SET: variants seen among roughly 807,000 people sequenced by gnomAD.
SET encodes the protein protein SET.
SET carries 4 observed loss-of-function variants against 39.0 expected under a neutral mutation model. The observed-to-expected ratio is 0.10, with a 90% CI of 0.05 to 0.23. The LOEUF is 0.23. SET is among the 10% of genes least tolerant of loss of function. The pLI is 1.00. For synonymous variants in SET, 114 were observed against 115.9 expected (o/e 0.98, Z 0.11); for missense variants, 137 against 329.7 (o/e 0.42, Z 4.53).
intron 5 of SET, among the ~76,000 whole-genome samples, chr9:128,693,435 A>G (rs2132254783): frequency 6.6e-6 from 1 of 152,332 alleles, no homozygotes; most frequent in South Asian, 2.1e-4. Context: ...CAGTGGAACT[A>G]ATTTTATGGA....
chr9:128,693,028 C>A, intron 5 of SET, 47 bp downstream of exon 5: 1 of 1,315,280 alleles, frequency 7.6e-7, no homozygotes, highest in Non-Finnish European at 1.1e-6. Context: ...TTGCCTATTT[C>A]AGTTTAGTTT....
chr9:128,694,078 T>A, intron 7 of SET, 36 bp downstream of exon 7: 1 of 1,454,132 alleles, frequency 6.9e-7, no homozygotes, highest in Non-Finnish European at 9.2e-7. Context: ...CAAAGATAAC[T>A]TTTAAAGAAT....
At chr9:128,693,499 C>T (rs550810304) in intron 5 of SET, 139 bp from the exon 6 acceptor site, 1 of 914,634 alleles carries the variant, frequency 1.1e-6, no homozygotes, top group Non-Finnish European at 1.6e-6. Flanking sequence ...TATAATTGCT[C>T]TTAGGTAATA....
intron 1 of SET, chr9:128,690,215 T>C (rs1861472869): frequency 6.5e-6 from 1 of 153,342 alleles, no homozygotes; most frequent in Admixed American, 6.5e-5. Context: ...GCCGGGAGGA[T>C]GCTCTGGCCA....
At position 128,689,672 on chromosome 9, in the gene SET, C is replaced by T. The variant is rs778596068; in HGVS notation, c.73+17C>T. ...AGACCTCAGGTGAGAGCAGCGAGCCCGGGGGCCGGCCCGCGCCGCCATCTT... is the reference window on the plus strand; with the variant it reads ...AGACCTCAGGTGAGAGCAGCGAGCCTGGGGGCCGGCCCGCGCCGCCATCTT... On this transcript the variant is annotated intron_variant, in intron 1 of 7. Coordinates refer to ENST00000322030, the MANE Select transcript of SET (RefSeq NM_003011.4). 87 of 971,788 alleles carry T rather than the reference C, an allele frequency of 9.0e-5. 1 individual carries two copies. The highest frequency in any genetic ancestry group is 1.0e-4 in the Non-Finnish European group (78 of 754,876). 60.2% of individuals were successfully genotyped at this position (971,788 alleles called of 1,614,324 possible).
chr9:128,690,090 GCGGCGCCCC>G (rs931043653), intron 1 of SET: 16 of 522,652 alleles, frequency 3.1e-5, no homozygotes, highest in African/African-American at 2.7e-4. Flanking sequence ...CCGGCCCGCG[GCGGCGCCCC>G]CGGCACCCCC....
rs1861404978 is a variant in SET at position 128,689,280 on chromosome 9, G to T, written c.-303G>T. On this transcript the variant is annotated 5_prime_UTR_variant, in exon 1 of 8. Coordinates refer to ENST00000322030, the MANE Select transcript of SET (RefSeq NM_003011.4). ...GCTCGGGAGAGCGAGCAGCGAGCTG[G>T]CTGGATCGCCGAGCGCGAGTGAGGG... The T allele has an allele frequency of 9.9e-7, 1 of 1,013,632 alleles. No homozygotes were observed. Among genetic ancestry groups the T allele is most frequent in the Non-Finnish European group, 1.2e-6 (1 of 847,694 alleles). The allele number at this position is 1,013,632 out of a possible 1,614,324, so 62.8% of individuals were successfully genotyped here. A position where few individuals can be genotyped will look rare whatever the true frequency, so the allele number is the denominator to read the frequency against.
At chr9:128,694,568 G>A (rs1861662080) in intron 7 of SET, 73 bp from the exon 8 acceptor site, 3 of 989,658 alleles carry the variant, frequency 3.0e-6, no homozygotes, top group South Asian at 1.5e-5. Flanking sequence ...GCACTCGTGG[G>A]GTCCATTGTG....
At position 128,684,132 on chromosome 9, in the gene SET, G is replaced by A; in HGVS notation, c.112+125G>A. 5.5e-6 allele frequency: 4 copies of A among 722,320 alleles called. 1 individual carries two copies. In the South Asian group the frequency reaches 7.4e-5, roughly 13 times the overall value. The allele number at this position is 722,320 out of a possible 1,614,324, so 44.7% of individuals were successfully genotyped here. Reference sequence around the variant, plus strand: ...GCACCCCCAAAGGGTTTTAAACCTGGGATGGTGGATTAAGTTTGCGTGAAG... The same window carrying A: ...GCACCCCCAAAGGGTTTTAAACCTGAGATGGTGGATTAAGTTTGCGTGAAG... On this transcript the variant is annotated intron_variant, in intron 1 of 7. Coordinates refer to the SET transcript ENST00000372692.
upstream of SET, among the ~76,000 whole-genome samples, chr9:128,685,740 G>C (rs939715465): frequency 6.6e-6 from 1 of 152,150 alleles, no homozygotes; most frequent in Non-Finnish European, 1.5e-5. Flanking sequence ...CCTCTTCAAA[G>C]GGAGCCGGGG....
intron 1 of SET, chr9:128,690,928 C>T (rs1052123142): frequency 5.4e-6 from 3 of 557,806 alleles, no homozygotes; most frequent in Non-Finnish European, 9.6e-6. Flanking sequence ...TAGTGAAACT[C>T]TTTAAAAAGG....
chr9:128,689,576 C>A lies in SET; in HGVS notation c.-7C>A. ...CCCCGCTCCCCCCCCGACCGCGGAG[C>A]AGCACCATGTCGGCGCCGGCGGCCA... On this transcript the variant is annotated 5_prime_UTR_variant, in exon 1 of 8. Transcript: ENST00000322030. 1 of 1,358,214 alleles carries A rather than the reference C, an allele frequency of 7.4e-7. No individual in the cohort carries two copies. Among genetic ancestry groups the A allele is most frequent in the Non-Finnish European group, 9.7e-7 (1 of 1,035,468 alleles). 84.1% of individuals were successfully genotyped at this position (1,358,214 alleles called of 1,614,324 possible).
At chr9:128,689,746 C>CT (rs1288092391) in intron 1 of SET, 91 bp downstream of exon 1, 1 of 170,106 alleles carries the variant, frequency 5.9e-6, no homozygotes, top group Non-Finnish European at 1.1e-5. Flanking sequence ...GGGGCGCGCG[C>CT]GGGGGGCGCC....
upstream of SET, among the ~76,000 whole-genome samples, chr9:128,686,410 G>A (rs1861286948): frequency 6.6e-6 from 1 of 152,166 alleles, no homozygotes; most frequent in Non-Finnish European, 1.5e-5. Flanking sequence ...CCCTGCAGGT[G>A]CTTGGGAAAC....
At chr9:128,690,441 T>TTTG (rs1861486939) in intron 1 of SET, 1 of 152,060 alleles carries the variant, frequency 6.6e-6, no homozygotes. Context: ...TTGTAGGGGG[T>TTTG]TTGTAGTCTT....
rs1370534314 is a variant in SET, at chr9:128,689,499, G to T, written c.-84G>T. ...GACCGAGCGGGCGCCCGCGCGTGTG[G>T]CGTGAGGGGAAGCCGCTTGCCCGCC... On this transcript the variant is annotated 5_prime_UTR_variant, in exon 1 of 8. Transcript: ENST00000322030. 6 of 692,540 alleles carry T rather than the reference G, an allele frequency of 8.7e-6. No individual in the cohort carries two copies. Among genetic ancestry groups the T allele is most frequent in the Non-Finnish European group, 1.0e-5 (5 of 496,092 alleles). 42.9% of individuals were successfully genotyped at this position (692,540 alleles called of 1,614,324 possible). A position where few individuals can be genotyped will look rare whatever the true frequency, so the allele number is the denominator to read the frequency against.
chr9:128,692,836 C>A, intron 4 of SET, 32 bp from the exon 5 acceptor site: 3 of 1,513,026 alleles, frequency 2.0e-6, no homozygotes, highest in South Asian at 1.1e-5. Context: ...AAGACCTGTT[C>A]ATATTTCTAA....
chr9:128,692,086 G>C, intron 3 of SET, 86 bp downstream of exon 3: 6 of 1,501,380 alleles, frequency 4.0e-6, no homozygotes, highest in Non-Finnish European at 5.5e-6. Context: ...CCAGCATGCT[G>C]GGTTGCGTGC....
chr9:128,690,734 TTACCTTGATAGGTGG>T (rs1238514784), intron 1 of SET: 1 of 185,412 alleles, frequency 5.4e-6, no homozygotes, highest in Non-Finnish European at 1.1e-5. Flanking sequence ...AAAGGTGGTT[TTACCTTGATAGGTGG>T]TAGTGGTGGC....
Sources: gnomAD v4.1 joint callset for allele counts (sites outside exome capture counted in the v4.1 genomes callset) on GRCh38, gnomAD v4.1.1 for gene constraint, MANE v1.5 for transcripts, NCBI Gene and HGNC (gene_info 2026-07-23, HGNC 2026-07-21) for gene names.